Variants in NUBPL observed in about 807,000 individuals in gnomAD.
NUBPL encodes the protein NUBP iron-sulfur cluster assembly factor, mitochondrial.
NUBPL carries 31 observed loss-of-function variants against 45.7 expected under a neutral mutation model. The observed-to-expected ratio is 0.68, with a 90% CI of 0.51 to 0.92. The LOEUF is 0.92. Among genes scored for constraint, NUBPL ranks in the 40% least tolerant of loss-of-function variants. NUBPL has a pLI of 0.00. For missense variants in NUBPL, 401 were observed against 398.7 expected (o/e 1.01, Z -0.05); for synonymous variants, 144 against 140.9 (o/e 1.02, Z -0.15).
intron 4 of NUBPL, among the ~76,000 whole-genome samples, chr14:31,615,981 G>T (rs575232919): frequency 6.6e-6 from 1 of 152,074 alleles, no homozygotes; most frequent in Non-Finnish European, 1.5e-5. Flanking sequence ...TTAAATGATC[G>T]CCATTCTAAC....
intron 2 of NUBPL, chr14:31,562,655 G>C (rs912836735): frequency 3.5e-5 from 5 of 144,222 alleles, no homozygotes; most frequent in African/African-American, 1.3e-4. Context: ...CCAGGCTGTA[G>C]TGCAGTGGCG....
At chr14:31,820,107 T>C (rs2039990246) in intron 7 of NUBPL, among the ~76,000 whole-genome samples, 1 of 138,812 alleles carries the variant, frequency 7.2e-6, no homozygotes, top group Non-Finnish European at 1.5e-5. Flanking sequence ...GCCACTGCAC[T>C]CCAGCCTGGG....
intron 6 of NUBPL, among the ~76,000 whole-genome samples, chr14:31,762,677 A>G (rs1195646080): frequency 6.6e-6 from 1 of 152,206 alleles, no homozygotes; most frequent in African/African-American, 2.4e-5. Flanking sequence ...ATGCATCCAG[A>G]TCCAGTTTTT....
intron 8 of NUBPL, among the ~76,000 whole-genome samples, chr14:31,830,689 A>C (rs1358605226): frequency 6.6e-6 from 1 of 152,232 alleles, no homozygotes; most frequent in African/African-American, 2.4e-5. Context: ...AGAAGAATGC[A>C]GGTTTTGGAT....
At chr14:31,732,609 C>CTTTTTTTTTTTTTTTT (rs71986817) in intron 6 of NUBPL, among the ~76,000 whole-genome samples, 3 of 81,042 alleles carry the variant, frequency 3.7e-5, no homozygotes, top group Non-Finnish European at 6.8e-5. Flanking sequence ...AATTTGTTCT[C>CTTTTTTTTTTTTTTTT]TTTTTTTTTT....
At chr14:31,687,068 A>G (rs1424856508) in intron 6 of NUBPL, among the ~76,000 whole-genome samples, 2 of 152,232 alleles carry the variant, frequency 1.3e-5, no homozygotes, top group Non-Finnish European at 2.9e-5. Context: ...AGCTGTGATC[A>G]TGCTGCTGCA....
At chr14:31,812,380 C>T (rs927056947) in intron 7 of NUBPL, among the ~76,000 whole-genome samples, 1 of 152,226 alleles carries the variant, frequency 6.6e-6, no homozygotes, top group African/African-American at 2.4e-5. Context: ...GGCTTGCCTC[C>T]TTGCAGTTGG....
At chr14:31,579,334 A>G (rs2033802797) in intron 3 of NUBPL, among the ~76,000 whole-genome samples, 1 of 152,192 alleles carries the variant, frequency 6.6e-6, no homozygotes, top group African/African-American at 2.4e-5. Context: ...GAGGAAAAGG[A>G]TATCTGTATC....
At position 31,777,876 on chromosome 14, in the gene NUBPL, G is replaced by A. The variant is rs1299573758; in HGVS notation, c.514-9904G>A. Among the ~76,000 whole-genome samples, 6 of 152,186 alleles carry A rather than the reference G, an allele frequency of 3.9e-5. No homozygotes were observed. The East Asian group carries it at 1.2e-3, about 29-fold the overall frequency. ...GATCACACAAGCAAGGGAGTCTAGGGGAATCTCTGTTGTGCCCTGATGGCA... is the reference window on the plus strand; with the variant it reads ...GATCACACAAGCAAGGGAGTCTAGGAGAATCTCTGTTGTGCCCTGATGGCA... On this transcript the variant is annotated intron_variant, in intron 6 of 10. Transcript: ENST00000281081.
chr14:31,706,796 T>C (rs749392572), intron 6 of NUBPL, among the ~76,000 whole-genome samples: 9 of 152,258 alleles, frequency 5.9e-5, no homozygotes, highest in Non-Finnish European at 1.3e-4. Flanking sequence ...AGTAGGATAA[T>C]ACATGTTACA....
chr14:31,631,295 G>C (rs1439230832), intron 4 of NUBPL, among the ~76,000 whole-genome samples: 1 of 152,002 alleles, frequency 6.6e-6, no homozygotes, highest in Non-Finnish European at 1.5e-5. Flanking sequence ...CTCTTTTATG[G>C]CCAGGAGCAA....
At chr14:31,625,273 A>G (rs2035174553) in intron 4 of NUBPL, among the ~76,000 whole-genome samples, 2 of 152,188 alleles carry the variant, frequency 1.3e-5, no homozygotes, top group Non-Finnish European at 2.9e-5. Flanking sequence ...TAGATTTGAC[A>G]GTATGTTCAA....
chr14:31,843,347 A>T (rs913354032), intron 8 of NUBPL, among the ~76,000 whole-genome samples: 5 of 152,252 alleles, frequency 3.3e-5, no homozygotes, highest in Non-Finnish European at 7.3e-5. Flanking sequence ...AGACAGCATT[A>T]AAAGTTGACA....
At chr14:31,751,653 C>T (rs992358607) in intron 6 of NUBPL, among the ~76,000 whole-genome samples, 10 of 152,336 alleles carry the variant, frequency 6.6e-5, no homozygotes, top group African/African-American at 2.4e-4. Flanking sequence ...GTGGCTTTTC[C>T]AAGTGCACAG....
chr14:31,606,302 G>T (rs570370979), intron 4 of NUBPL, among the ~76,000 whole-genome samples: 1 of 151,950 alleles, frequency 6.6e-6, no homozygotes, highest in East Asian at 1.9e-4. Flanking sequence ...GTGTTGCCCA[G>T]GCTGGTCTTG....
At chr14:31,672,859 C>T (rs1330401247) in intron 4 of NUBPL, among the ~76,000 whole-genome samples, 2 of 152,316 alleles carry the variant, frequency 1.3e-5, no homozygotes, top group East Asian at 3.9e-4. Context: ...AATGTTTAAA[C>T]TGTTGCAAAT....
chr14:31,653,881 T>G (rs1392117150), intron 4 of NUBPL, among the ~76,000 whole-genome samples: 2 of 152,226 alleles, frequency 1.3e-5, no homozygotes, highest in East Asian at 3.8e-4. Context: ...CCATGAAATC[T>G]TCACAATTTG....
chr14:31,731,675 T>C (rs1176633718), intron 6 of NUBPL, among the ~76,000 whole-genome samples: 1 of 152,236 alleles, frequency 6.6e-6, no homozygotes. Context: ...TGAGGCTGAA[T>C]TCCTGGAAAT....
intron 4 of NUBPL, among the ~76,000 whole-genome samples, chr14:31,656,760 G>A (rs2036150563): frequency 6.6e-6 from 1 of 152,280 alleles, no homozygotes; most frequent in South Asian, 2.1e-4. Context: ...GTGAAATATT[G>A]TCAGAATTGC....
Sources: allele counts gnomAD v4.1 joint callset (sites outside exome capture counted in the v4.1 genomes callset), GRCh38; gene constraint gnomAD v4.1.1; transcripts MANE v1.5; gene names NCBI Gene and HGNC (gene_info 2026-07-23, HGNC 2026-07-21).